RABGEF1: variants seen among roughly 807,000 people sequenced by gnomAD.
RABGEF1 encodes the protein RAB guanine nucleotide exchange factor 1, also known as rab5 GDP/GTP exchange factor.
A neutral mutation model predicts 57.3 loss-of-function variants in RABGEF1; 26 were observed. The ratio of observed to expected loss-of-function variants is 0.45; its 90% CI spans 0.33 to 0.63. The LOEUF is 0.63. RABGEF1 is among the 20% of genes least tolerant of loss of function. The pLI is 0.02. For missense variants in RABGEF1, 464 were observed against 607.6 expected, an observed-to-expected ratio of 0.76 and a Z score of 2.48; for synonymous variants, 185 against 210.7, an observed-to-expected ratio of 0.88 and a Z score of 1.06.
At chr7:66,698,330 C>A (rs1322186776) in intron 1 of RABGEF1, among the ~76,000 whole-genome samples, 1 of 152,156 alleles carries the variant, frequency 6.6e-6, no homozygotes, top group Non-Finnish European at 1.5e-5. Flanking sequence ...GATCAGAACC[C>A]CCAGGGCAAG....
intron 1 of RABGEF1, among the ~76,000 whole-genome samples, chr7:66,685,950 TGGTACCAA>T (rs1286622967): frequency 6.6e-6 from 1 of 152,080 alleles, no homozygotes; most frequent in Admixed American, 6.6e-5. Context: ...AGAATAGAAA[TGGTACCAA>T]GTGGCTTCTT....
Position 66,809,186 on chromosome 7 carries a change from A to G in RABGEF1, c.1378A>G (p.Ile460Val), listed in dbSNP as rs776091172. The change falls in exon 9 of 9, where the codon ATT (isoleucine) becomes GTT (valine). Residue 460 changes from isoleucine (I) to valine (V), a missense_variant. Physicochemically the swap from Ile to Val is conservative, Grantham distance 29. Around this residue, in one of 4 missense-constraint regions of RABGEF1, gnomAD observed 151 missense variants for 152.2 expected, o/e 0.99. Coordinates refer to ENST00000284957, the MANE Select transcript of RABGEF1 (RefSeq NM_014504.3). ...QDIVEKYPLEIKPPNQPLAAI... is the reference protein window; with the variant it reads ...QDIVEKYPLEVKPPNQPLAAI... ...CATCGTTGAGAAATACCCACTGGAA[A>G]TTAAGCCTCCGAATCAACCGTTAGC... 1 of 1,614,274 alleles carries G rather than the reference A, an allele frequency of 6.2e-7. No homozygotes were observed. Among genetic ancestry groups the G allele is most frequent in the East Asian group, 2.2e-5 (1 of 44,896 alleles).
intron 1 of RABGEF1, among the ~76,000 whole-genome samples, chr7:66,694,424 T>C (rs527632084): frequency 2.6e-5 from 4 of 151,868 alleles, no homozygotes; most frequent in African/African-American, 9.7e-5. Flanking sequence ...ACCCGGGGAG[T>C]TGGACGGAAC....
chr7:66,766,607 A>G (rs751875694), intron 1 of RABGEF1, among the ~76,000 whole-genome samples: 2 of 152,102 alleles, frequency 1.3e-5, no homozygotes, highest in Non-Finnish European at 2.9e-5. Flanking sequence ...AGTTTTTTCT[A>G]ATTAGATTTC....
At chr7:66,734,698 G>T (rs1191908929) in intron 2 of RABGEF1, among the ~76,000 whole-genome samples, 20 of 151,106 alleles carry the variant, frequency 1.3e-4, no homozygotes, top group Non-Finnish European at 2.9e-4. Context: ...CTCCTAAACT[G>T]CTGGGATTAC....
chr7:66,771,987 G>A lies in RABGEF1; in HGVS notation c.88G>A (p.Ala30Thr), dbSNP rs1236174215. The A allele has an allele frequency of 6.3e-7, 1 of 1,599,012 alleles. No individual in the cohort carries two copies. The highest frequency in any genetic ancestry group is 8.5e-7 in the Non-Finnish European group (1 of 1,173,252). Residue 30 changes from alanine (A) to threonine (T), a missense_variant, in exon 2 of 9, where the codon GCC becomes ACC. Transcript: ENST00000284957. ...AGGATGTGGTTACTACGGCAACCCT[G>A]CCTGGCAGGGTTTCTGCTCCAAGTG... is the stretch of plus-strand genomic sequence containing the variant. The part of the protein sequence containing the change: ...KKGCGYYGNP[A>T]WQGFCSKCWR...
At chr7:66,658,978 G>A in the RABGEF1 span, among the ~76,000 whole-genome samples, 2 of 152,002 alleles carry the variant, frequency 1.3e-5, no homozygotes, top group Non-Finnish European at 2.9e-5. Flanking sequence ...CTCATGATCC[G>A]CCTGCCTTGG....
At chr7:66,661,703 T>C in the RABGEF1 span, among the ~76,000 whole-genome samples, 1 of 152,224 alleles carries the variant, frequency 6.6e-6, no homozygotes, top group Admixed American at 6.5e-5. Context: ...TAACGAAAAT[T>C]AATGCCAGTC....
chr7:66,808,489 C>T (rs192956636), intron 8 of RABGEF1, among the ~76,000 whole-genome samples: 12 of 152,308 alleles, frequency 7.9e-5, no homozygotes, highest in Non-Finnish European at 1.8e-4. Context: ...GCTGGGATTA[C>T]AGGCTTGAGG....
chr7:66,722,709 A>G (rs1486270524), intron 2 of RABGEF1, among the ~76,000 whole-genome samples: 1 of 152,198 alleles, frequency 6.6e-6, no homozygotes, highest in Non-Finnish European at 1.5e-5. Context: ...ACAGGTTTGT[A>G]GTAAGTTTTA....
intron 1 of RABGEF1, among the ~76,000 whole-genome samples, chr7:66,756,471 C>G (rs1341935759): frequency 6.6e-6 from 1 of 152,168 alleles, no homozygotes; most frequent in Non-Finnish European, 1.5e-5. Context: ...TCATGGTCTG[C>G]TCATAACCTT....
At chr7:66,691,728 G>T (rs4718385) in intron 1 of RABGEF1, among the ~76,000 whole-genome samples, 1 of 151,810 alleles carries the variant, frequency 6.6e-6, no homozygotes, top group African/African-American at 2.4e-5. Context: ...CAAACTGAAG[G>T]CTAATGTAAG....
At chr7:66,728,555 C>T (rs1208960924) in intron 2 of RABGEF1, among the ~76,000 whole-genome samples, 2 of 98,870 alleles carry the variant, frequency 2.0e-5, no homozygotes, top group Non-Finnish European at 4.0e-5. Context: ...ACCATTTTTA[C>T]CATTTCTTCC....
rs772771696 is a variant in RABGEF1 at position 66,772,077 on chromosome 7, C to T, written c.178C>T (p.Arg60Ter). ...QIQEDWELAE[R>*]LQREEEEAFA... ...TCAGGAGGACTGGGAGCTGGCGGAG[C>T]GGTAAAAGGACTTAACTAGGGGCGG... The change falls in exon 2 of 9, where the codon CGA (arginine) becomes TGA (stop). Residue 60 changes from arginine (R) to a stop codon, truncating the protein, a stop_gained and splice_region_variant. Transcript: ENST00000284957. LOFTEE classifies it high-confidence loss of function. 9 of 1,522,468 alleles carry T rather than the reference C, an allele frequency of 5.9e-6. No individual in the cohort carries two copies. The highest frequency in any genetic ancestry group is 1.4e-5 in the African/African-American group (1 of 71,244). 94.3% of individuals were successfully genotyped at this position (1,522,468 alleles called of 1,614,324 possible).
intron 6 of RABGEF1, 104 bp downstream of exon 6, chr7:66,797,610 T>A: frequency 2.4e-6 from 3 of 1,264,160 alleles, no homozygotes; most frequent in Non-Finnish European, 3.3e-6. Flanking sequence ...GGGAAAGCAA[T>A]AGCTCATGTT....
chr7:66,788,211 C>T (rs28663128), intron 4 of RABGEF1, among the ~76,000 whole-genome samples: 15,390 of 152,116 alleles, frequency 0.1, 858 homozygotes, highest in Non-Finnish European at 0.11. Flanking sequence ...CTTTGGGAGG[C>T]TGAGGTGGGT....
chr7:66,690,262 G>A (rs1791324838), intron 1 of RABGEF1, among the ~76,000 whole-genome samples: 1 of 151,152 alleles, frequency 6.6e-6, no homozygotes, highest in Admixed American at 6.6e-5. Flanking sequence ...CACCACACCC[G>A]GCTAATTTTT....
intron 5 of RABGEF1, among the ~76,000 whole-genome samples, chr7:66,796,494 C>T (rs1309083406): frequency 6.6e-6 from 1 of 152,184 alleles, no homozygotes; most frequent in Non-Finnish European, 1.5e-5. Context: ...CCCCATTTGG[C>T]AGGGTGTACA....
the RABGEF1 span, among the ~76,000 whole-genome samples, chr7:66,672,268 A>C: frequency 1.4e-5 from 2 of 146,000 alleles, no homozygotes; most frequent in East Asian, 4.0e-4. Context: ...TAAAAATACA[A>C]AAAAAAAAAA....
Sources: gnomAD v4.1 joint callset for allele counts (sites outside exome capture counted in the v4.1 genomes callset) on GRCh38, gnomAD v4.1.1 for gene constraint, gnomAD v4.1.1 regional missense constraint, MANE v1.5 for transcripts, NCBI Gene and HGNC (gene_info 2026-07-23, HGNC 2026-07-21) for gene names.